NOL4L: variants seen among roughly 807,000 people sequenced by gnomAD.
NOL4L encodes the protein nucleolar protein 4 like.
Under a neutral mutation model 64.5 loss-of-function variants are expected in NOL4L, and 7 were observed. The observed-to-expected ratio is 0.11, with a 90% CI of 0.06 to 0.20. The LOEUF (loss-of-function observed/expected upper bound fraction) is 0.20, where lower values mean the gene tolerates loss of function less well. NOL4L is among the 10% of genes least tolerant of loss of function. NOL4L has a pLI of 1.00. For missense variants in NOL4L, 680 were observed against 967.1 expected, an observed-to-expected ratio of 0.70 and a Z score of 3.94; for synonymous variants, 413 against 401.0, an observed-to-expected ratio of 1.03 and a Z score of -0.36.
At position 32,447,235 on chromosome 20, in the gene NOL4L, A is replaced by AGACTT. The variant is rs1411952679; in HGVS notation, c.*356_*360dup. Reference sequence around the variant, plus strand: ...ATAAATATGCAATTCTGCTCACCTAAGACTTGAAAGGTAATTATCTGGGGG... The same window carrying AGACTT: ...ATAAATATGCAATTCTGCTCACCTAAGACTTGACTTGAAAGGTAATTATCTGGGGG... On this transcript the variant is annotated 3_prime_UTR_variant, in exon 11 of 11. Coordinates refer to ENST00000621426, the MANE Select transcript of NOL4L (RefSeq NM_001256798.2). The AGACTT allele has an allele frequency of 9.9e-6, 5 of 504,212 alleles. No homozygotes were observed. The highest frequency in any genetic ancestry group is 5.8e-5 in the African/African-American group (3 of 51,946). 31.2% of individuals were successfully genotyped at this position (504,212 alleles called of 1,614,324 possible).
chr20:32,444,213 G>C lies in NOL4L; in HGVS notation c.*3383C>G, dbSNP rs2012239101. 6.6e-6 allele frequency: 1 copy of C among 152,124 alleles called. No homozygotes were observed. Among genetic ancestry groups the C allele is most frequent in the African/African-American group, 2.4e-5 (1 of 41,418 alleles). 9.4% of individuals were successfully genotyped at this position (152,124 alleles called of 1,614,324 possible). A position where few individuals can be genotyped will look rare whatever the true frequency, so the allele number is the denominator to read the frequency against. On this transcript the variant is annotated 3_prime_UTR_variant, in exon 11 of 11. Coordinates refer to ENST00000621426, the MANE Select transcript of NOL4L (RefSeq NM_001256798.2). ...GTCTTAGGTAGATACAGGCGAAAAAGGATTGAGCTGTTTAGCTCAGAAACA... is the reference window on the plus strand; with the variant it reads ...GTCTTAGGTAGATACAGGCGAAAAACGATTGAGCTGTTTAGCTCAGAAACA...
chr20:32,539,039 G>C (rs946898379), intron 1 of NOL4L, among the ~76,000 whole-genome samples: 25 of 151,800 alleles, frequency 1.6e-4, no homozygotes, highest in African/African-American at 6.1e-4. Flanking sequence ...GGGGTGGGGT[G>C]GGGGGCGGCA....
intron 1 of NOL4L, among the ~76,000 whole-genome samples, chr20:32,577,572 G>A (rs1465713714): frequency 6.6e-6 from 1 of 152,352 alleles, no homozygotes; most frequent in East Asian, 1.9e-4. Flanking sequence ...GGTGCCAGGT[G>A]CAGTGCCCAC....
intron 3 of NOL4L, among the ~76,000 whole-genome samples, chr20:32,517,939 C>G (rs1256729961): frequency 6.6e-6 from 1 of 152,216 alleles, no homozygotes; most frequent in Non-Finnish European, 1.5e-5. Context: ...ACCTCAACAC[C>G]TCTCTGTGCC....
At position 32,458,060 on chromosome 20, in the gene NOL4L, C is replaced by T. The variant is rs575685120; in HGVS notation, c.842-1665G>A. Reference sequence around the variant, plus strand: ...ATGGGGGTGCCCACTTTCCTCCACCCGGGAACCAGACCAGCTCCTCATGCA... The same window carrying T: ...ATGGGGGTGCCCACTTTCCTCCACCTGGGAACCAGACCAGCTCCTCATGCA... On this transcript the variant is annotated intron_variant, in intron 5 of 10. Coordinates refer to ENST00000621426, the MANE Select transcript of NOL4L (RefSeq NM_001256798.2). Among the ~76,000 whole-genome samples, 4 of 152,344 alleles carry T rather than the reference C, an allele frequency of 2.6e-5. No homozygotes were observed. In the South Asian group the frequency reaches 8.3e-4, roughly 32 times the overall value.
chr20:32,454,282 G>A (rs982106569), intron 6 of NOL4L, among the ~76,000 whole-genome samples: 2 of 152,238 alleles, frequency 1.3e-5, no homozygotes, highest in African/African-American at 2.4e-5. Flanking sequence ...TGCGCTGGGC[G>A]AGGTAGCCAG....
At chr20:32,582,927 G>A (rs1358390210) in intron 1 of NOL4L, among the ~76,000 whole-genome samples, 1 of 152,076 alleles carries the variant, frequency 6.6e-6, no homozygotes. Context: ...GCTGGGGGAG[G>A]GGTCCTGGAC....
chr20:32,483,306 G>A (rs1568640336), intron 4 of NOL4L: 1 of 949,094 alleles, frequency 1.1e-6, no homozygotes, highest in Non-Finnish European at 1.3e-6. Context: ...GAAGGGGGGC[G>A]GCGGCCCGGG....
chr20:32,494,321 C>A (rs939027584), intron 4 of NOL4L, among the ~76,000 whole-genome samples: 1 of 147,384 alleles, frequency 6.8e-6, no homozygotes, highest in Non-Finnish European at 1.5e-5. Flanking sequence ...ATTACTTAAG[C>A]TCTCTAAAGC....
intron 4 of NOL4L, among the ~76,000 whole-genome samples, chr20:32,509,029 C>T (rs780051291): frequency 4.6e-5 from 7 of 152,212 alleles, no homozygotes; most frequent in Non-Finnish European, 8.8e-5. Context: ...ATTCCACTCT[C>T]AGCTGAAGCT....
intron 1 of NOL4L, among the ~76,000 whole-genome samples, chr20:32,533,678 C>T (rs2018419748): frequency 6.6e-6 from 1 of 152,202 alleles, no homozygotes; most frequent in Non-Finnish European, 1.5e-5. Context: ...ATAGAAAGAG[C>T]AGGAACGCCC....
rs2012212844 is a variant in NOL4L at position 32,443,462 on chromosome 20, C to G, written c.*4134G>C. The G allele has an allele frequency of 6.6e-6, 1 of 152,168 alleles. No homozygotes were observed. Among genetic ancestry groups the G allele is most frequent in the Non-Finnish European group, 1.5e-5 (1 of 68,024 alleles). 9.4% of individuals were successfully genotyped at this position (152,168 alleles called of 1,614,324 possible). On this transcript the variant is annotated 3_prime_UTR_variant, in exon 11 of 11. Transcript: ENST00000621426. ...GTAAAAATATAATTTAGAGGTGAAGCCATTAATAGAGTCACCTTTAAAAGT... is the reference window on the plus strand; with the variant it reads ...GTAAAAATATAATTTAGAGGTGAAGGCATTAATAGAGTCACCTTTAAAAGT...
intron 4 of NOL4L, among the ~76,000 whole-genome samples, chr20:32,488,719 TTTTTCTTTCTTTC>T (rs1410879348): frequency 3.3e-5 from 5 of 151,970 alleles, no homozygotes; most frequent in African/African-American, 9.7e-5. Flanking sequence ...CTTGTATTTC[TTTTTCTTTCTTTC>T]TTTTCTTTCT....
chr20:32,582,098 G>A (rs1281303834), intron 1 of NOL4L: 1 of 152,246 alleles, frequency 6.6e-6, no homozygotes, highest in Non-Finnish European at 1.5e-5. Flanking sequence ...TCTCCTGCCT[G>A]GCTCCGGCTG....
chr20:32,475,513 C>T (rs986100405), intron 4 of NOL4L, among the ~76,000 whole-genome samples: 6 of 152,236 alleles, frequency 3.9e-5, no homozygotes, highest in East Asian at 1.9e-4. Flanking sequence ...GGCTTCGGGC[C>T]GGCCCTTGGC....
rs543406943 is a variant in NOL4L, at chr20:32,504,037, T to G, written c.699+7310A>C. Among the ~76,000 whole-genome samples, 5 of 152,294 alleles carry G rather than the reference T, an allele frequency of 3.3e-5. No individual in the cohort carries two copies. The East Asian group carries it at 9.6e-4, about 29-fold the overall frequency. ...ATTTTTTATATTTAGTAGTTTGGTG[T>G]TGTTTGTATTATGTTACTTTATGTA... On this transcript the variant is annotated intron_variant, in intron 4 of 10. Transcript: ENST00000621426.
chr20:32,526,850 G>T (rs971431492), intron 2 of NOL4L, among the ~76,000 whole-genome samples: 6 of 152,216 alleles, frequency 3.9e-5, no homozygotes, highest in Non-Finnish European at 8.8e-5. Context: ...GCTTCCCTGG[G>T]CACTGGACAA....
intron 4 of NOL4L, among the ~76,000 whole-genome samples, chr20:32,498,452 C>T (rs1283352072): frequency 6.6e-6 from 1 of 151,396 alleles, no homozygotes; most frequent in East Asian, 1.9e-4. Context: ...ATAAATCATT[C>T]CCTCTCAAGT....
chr20:32,526,676 G>A (rs879829), intron 2 of NOL4L, among the ~76,000 whole-genome samples: 38,725 of 152,020 alleles, frequency 0.25, 6,288 homozygotes, highest in East Asian at 0.77. Flanking sequence ...AGAGAAAGTC[G>A]GCATGGAGGA....
Sources: allele counts gnomAD v4.1 joint callset (sites outside exome capture counted in the v4.1 genomes callset), GRCh38; gene constraint gnomAD v4.1.1; transcripts MANE v1.5; gene names NCBI Gene and HGNC (gene_info 2026-07-23, HGNC 2026-07-21).